CNN1: variants seen among roughly 807,000 people sequenced by gnomAD.
CNN1 encodes calponin-1.
Under a neutral mutation model 35.3 loss-of-function variants are expected in CNN1, and 21 were observed. The observed-to-expected ratio is 0.60, with a 90% confidence interval of 0.42 to 0.86. The LOEUF (loss-of-function observed/expected upper bound fraction) is 0.86. Among genes scored for constraint, CNN1 ranks in the 40% least tolerant of loss-of-function variants. The pLI is 0.00. For synonymous variants in CNN1, 164 were observed against 161.8 expected, an observed-to-expected ratio of 1.01 and a Z score of -0.10; for missense variants, 314 against 400.8, an observed-to-expected ratio of 0.78 and a Z score of 1.85.
intron 2 of CNN1, among the ~76,000 whole-genome samples, chr19:11,544,225 T>C (rs1034800347): frequency 1.3e-5 from 2 of 151,952 alleles, no homozygotes; most frequent in African/African-American, 2.4e-5. Context: ...TGCAGTTTCC[T>C]AGAGAGTGGT....
In CNN1 at chr19:11,538,919, C is replaced by T. The variant is rs1972398147; in HGVS notation, c.-9C>T. 1.3e-6 allele frequency: 2 copies of T among 1,558,842 alleles called. No individual in the cohort carries two copies. Among genetic ancestry groups the T allele is most frequent in the African/African-American group, 1.4e-5 (1 of 72,388 alleles). On this transcript the variant is annotated 5_prime_UTR_variant, in exon 1 of 7. Coordinates refer to ENST00000252456, the MANE Select transcript of CNN1 (RefSeq NM_001299.6). ...CCGCCACTGCCCCCGCCAGAGCCCA[C>T]CGGCCAGCATGTCCTCTGCTCACTT...
At chr19:11,542,413 G>C (rs1229153671) in intron 2 of CNN1, among the ~76,000 whole-genome samples, 1 of 148,222 alleles carries the variant, frequency 6.7e-6, no homozygotes, top group Non-Finnish European at 1.5e-5. Flanking sequence ...GGCTGGTCTC[G>C]AACTCCTGAC....
chr19:11,548,985 G>A (rs987165294), intron 5 of CNN1, among the ~76,000 whole-genome samples: 7 of 151,794 alleles, frequency 4.6e-5, no homozygotes, highest in Admixed American at 6.6e-5. Flanking sequence ...TCAGGAGTTC[G>A]AGACCAGCGT....
intron 1 of CNN1, chr19:11,539,873 C>A (rs561339694): frequency 7.0e-5 from 81 of 1,164,010 alleles, no homozygotes; most frequent in African/African-American, 6.6e-4. Context: ...CCTCCTCCCC[C>A]CCAGCGCCGG....
rs1033413588 is a variant in CNN1, at chr19:11,539,107, G to A, written c.63+117G>A. ...CTATGTGACTTGGAAACTGAGAGGG[G>A]AAAAGGGAGTGATATGGGATAGGGG... On this transcript the variant is annotated intron_variant, in intron 1 of 6. Transcript: ENST00000252456. 8.2e-6 allele frequency: 9 copies of A among 1,096,422 alleles called. No individual in the cohort carries two copies. In the African/African-American group the frequency reaches 1.3e-4, roughly 16 times the overall value. 67.9% of individuals were successfully genotyped at this position (1,096,422 alleles called of 1,614,324 possible). A position where few individuals can be genotyped will look rare whatever the true frequency, so the allele number is the denominator to read the frequency against.
chr19:11,546,243 A>G (rs1403609719), intron 2 of CNN1, among the ~76,000 whole-genome samples: 1 of 151,898 alleles, frequency 6.6e-6, no homozygotes, highest in East Asian at 1.9e-4. Context: ...GACTGCAGGG[A>G]GAAGTGACGC....
At chr19:11,540,861 C>T (rs1324946049) in intron 1 of CNN1, among the ~76,000 whole-genome samples, 7 of 152,296 alleles carry the variant, frequency 4.6e-5, no homozygotes, top group African/African-American at 1.7e-4. Flanking sequence ...TCAGAATGCC[C>T]GGAATGGCCC....
At chr19:11,548,142 C>T (rs1001116147) in intron 5 of CNN1, among the ~76,000 whole-genome samples, 2 of 152,174 alleles carry the variant, frequency 1.3e-5, no homozygotes, top group Non-Finnish European at 2.9e-5. Flanking sequence ...GAAGCTGGCT[C>T]GCTTTTGCAC....
intron 1 of CNN1, chr19:11,540,222 G>T (rs1005668665): frequency 1.9e-5 from 5 of 264,606 alleles, no homozygotes; most frequent in Non-Finnish European, 3.0e-5. Flanking sequence ...CTGGGAGCCT[G>T]AGACACCCTA....
intron 2 of CNN1, among the ~76,000 whole-genome samples, chr19:11,542,550 C>T (rs1179036927): frequency 2.6e-5 from 4 of 151,670 alleles, no homozygotes; most frequent in African/African-American, 7.3e-5. Flanking sequence ...AAAACCCTAA[C>T]AGCTCCCAAG....
rs8100751 is a variant in CNN1, at chr19:11,549,197, T to A, written c.502-126T>A. ...AGCAAGACTCCGTCTCAAAAAAAAATAAATAAAATAAAATAAAAATTGAAA... is the reference window on the plus strand; with the variant it reads ...AGCAAGACTCCGTCTCAAAAAAAAAAAAATAAAATAAAATAAAAATTGAAA... On this transcript the variant is annotated intron_variant, in intron 5 of 6. Coordinates refer to ENST00000252456, the MANE Select transcript of CNN1 (RefSeq NM_001299.6). The surrounding 1 kb of genome is among the most constrained non-coding windows in gnomAD (Gnocchi z 5.2). 588,510 of 918,460 alleles carry A rather than the reference T, an allele frequency of 0.64. 176,363 individuals carry two copies. Among genetic ancestry groups the A allele is most frequent in the Non-Finnish European group, 0.68 (450,326 of 658,558 alleles). The allele number at this position is 918,460 out of a possible 1,614,324, so 56.9% of individuals were successfully genotyped here. A position where few individuals can be genotyped will look rare whatever the true frequency, so the allele number is the denominator to read the frequency against.
intron 5 of CNN1, among the ~76,000 whole-genome samples, chr19:11,548,901 A>T (rs1404988152): frequency 6.6e-6 from 1 of 151,930 alleles, no homozygotes; most frequent in East Asian, 1.9e-4. Flanking sequence ...TAAACTAAAA[A>T]ATGGGCCAGG....
intron 2 of CNN1, among the ~76,000 whole-genome samples, chr19:11,546,456 C>T (rs1972584950): frequency 6.6e-6 from 1 of 152,010 alleles, no homozygotes; most frequent in Non-Finnish European, 1.5e-5. Context: ...TTGCCTCAGC[C>T]TCCTGAGTAG....
chr19:11,544,402 C>CT (rs1972534336), intron 2 of CNN1, among the ~76,000 whole-genome samples: 4 of 152,154 alleles, frequency 2.6e-5, no homozygotes, highest in Non-Finnish European at 2.9e-5. Flanking sequence ...GTGACGAGCA[C>CT]CAAATGATTG....
Position 11,549,227 on chromosome 19 carries a change from TGA to T in CNN1, c.502-95_502-94del. ...AAAATAAAATAAAAATTGAAAAAAA[TGA>T]TAAAGCGGCGCCTCATCCTCTCCCA... On this transcript the variant is annotated intron_variant, in intron 5 of 6. Coordinates refer to ENST00000252456, the MANE Select transcript of CNN1 (RefSeq NM_001299.6). This position sits in a 1 kb window ranked among gnomAD's most constrained non-coding sequence, Gnocchi z 5.2. The T allele has an allele frequency of 7.7e-7, 1 of 1,292,996 alleles. No homozygotes were observed. Among genetic ancestry groups the T allele is most frequent in the East Asian group, 2.5e-5 (1 of 39,328 alleles). 80.1% of individuals were successfully genotyped at this position (1,292,996 alleles called of 1,614,324 possible).
intron 2 of CNN1, among the ~76,000 whole-genome samples, chr19:11,545,293 GA>G (rs1972555435): frequency 1.3e-5 from 2 of 151,900 alleles, no homozygotes; most frequent in South Asian, 4.2e-4. Flanking sequence ...AAGAGGCCAG[GA>G]AACAGACTCT....
At chr19:11,541,041 CTT>C (rs150549133) in intron 1 of CNN1, 33 bp from the exon 2 acceptor site, 51,392 of 1,569,960 alleles carry the variant, frequency 0.033, 981 homozygotes, top group Admixed American at 0.069. Context: ...ATCCTCACCC[CTT>C]TCTCTGTGCC....
intron 4 of CNN1, 98 bp downstream of exon 4, chr19:11,547,067 G>GGGAT: frequency 6.5e-7 from 1 of 1,549,292 alleles, no homozygotes; most frequent in Non-Finnish European, 8.8e-7. Flanking sequence ...AGGTGGCGGA[G>GGGAT]CGGGGGGCAG....
chr19:11,539,303 C>T (rs1158053168), intron 1 of CNN1: 2 of 1,141,816 alleles, frequency 1.8e-6, no homozygotes, highest in Non-Finnish European at 2.2e-6. Context: ...AGGGGGAAGA[C>T]TTGTTGATTT....
Sources: gnomAD v4.1 joint callset for allele counts (sites outside exome capture counted in the v4.1 genomes callset) on GRCh38, gnomAD v4.1.1 for gene constraint, Gnocchi (gnomAD v3.1) non-coding constraint, MANE v1.5 for transcripts, NCBI Gene and HGNC (gene_info 2026-07-23, HGNC 2026-07-21) for gene names.